Variants in PKP4 observed in about 807,000 individuals in gnomAD.
PKP4 encodes plakophilin 4, also known as plakophilin-4.
PKP4 carries 90 observed loss-of-function variants against 145.1 expected under a neutral mutation model. The ratio of observed to expected loss-of-function variants is 0.62; its 90% CI spans 0.52 to 0.74. The LOEUF (loss-of-function observed/expected upper bound fraction) is 0.74. Ranked by LOEUF, PKP4 falls within the 30% of genes least tolerant of loss-of-function variation. PKP4 has a pLI of 0.00. For missense variants in PKP4, 1,340 were observed against 1,482.7 expected, an observed-to-expected ratio of 0.90 and a Z score of 1.58; for synonymous variants, 563 against 577.2, an observed-to-expected ratio of 0.98 and a Z score of 0.35.
At chr2:158,498,378 G>A (rs1196684630) in intron 1 of PKP4, among the ~76,000 whole-genome samples, 2 of 152,126 alleles carry the variant, frequency 1.3e-5, no homozygotes, top group Non-Finnish European at 2.9e-5. Context: ...CAGATAAAAA[G>A]CATTTTATAG....
intron 4 of PKP4, among the ~76,000 whole-genome samples, chr2:158,609,645 G>A (rs768839289): frequency 6.6e-6 from 1 of 152,186 alleles, no homozygotes; most frequent in Non-Finnish European, 1.5e-5. Flanking sequence ...GCTTACTCAG[G>A]TGTTTTCAGG....
At chr2:158,570,093 A>G (rs1052962153) in intron 2 of PKP4, among the ~76,000 whole-genome samples, 1 of 152,220 alleles carries the variant, frequency 6.6e-6, no homozygotes, top group African/African-American at 2.4e-5. Flanking sequence ...AGTAGACATA[A>G]TAATGGTTTA....
intron 3 of PKP4, among the ~76,000 whole-genome samples, chr2:158,585,146 CAGAAGCATTTGGT>C (rs2048696736): frequency 6.6e-6 from 1 of 152,120 alleles, no homozygotes; most frequent in Non-Finnish European, 1.5e-5. Context: ...TTATCCTGTT[CAGAAGCATTTGGT>C]CCCTTCACAT....
chr2:158,508,614 T>C (rs115751340), intron 1 of PKP4, among the ~76,000 whole-genome samples: 36 of 152,306 alleles, frequency 2.4e-4, no homozygotes, highest in Middle Eastern at 3.4e-3. Flanking sequence ...ACTTTCTTTT[T>C]CTACTCCATC....
At chr2:158,588,754 G>T (rs542727671) in intron 3 of PKP4, 1 of 152,210 alleles carries the variant, frequency 6.6e-6, no homozygotes, top group Admixed American at 6.5e-5. Context: ...GGTAGGTGAA[G>T]GCCCAACTAA....
intron 6 of PKP4, 55 bp downstream of exon 6, chr2:158,621,476 T>C: frequency 7.0e-7 from 1 of 1,435,596 alleles, no homozygotes; most frequent in Non-Finnish European, 9.7e-7. Flanking sequence ...CCGGGCACAG[T>C]GGCTCATGCC....
At chr2:158,563,824 G>A (rs901576036) in intron 2 of PKP4, among the ~76,000 whole-genome samples, 7 of 151,962 alleles carry the variant, frequency 4.6e-5, no homozygotes, top group Non-Finnish European at 8.8e-5. Flanking sequence ...CGAATCTGAT[G>A]TGTTGTTTCC....
At chr2:158,522,049 A>T (rs1429404435) in intron 1 of PKP4, among the ~76,000 whole-genome samples, 2 of 152,200 alleles carry the variant, frequency 1.3e-5, no homozygotes. Flanking sequence ...CTGAGTGTTC[A>T]TAATGACAAC....
intron 3 of PKP4, among the ~76,000 whole-genome samples, chr2:158,579,847 A>ATATATATATAGCTATATATATATTGC (rs2048180617): frequency 2.0e-5 from 3 of 151,744 alleles, no homozygotes; most frequent in African/African-American, 7.3e-5. Context: ...AATTTAAAAT[A>ATATATATATAGCTATATATATATTGC]TATATATATA....
chr2:158,679,224 G>A (rs1442295200), intron 21 of PKP4: 1 of 156,960 alleles, frequency 6.4e-6, no homozygotes, highest in African/African-American at 2.4e-5. Flanking sequence ...TGAAGGGCCT[G>A]CAGTCAGTCT....
chr2:158,626,902 T>A (rs2052851322), intron 7 of PKP4, among the ~76,000 whole-genome samples: 1 of 152,202 alleles, frequency 6.6e-6, no homozygotes, highest in African/African-American at 2.4e-5. Flanking sequence ...TCTCAAGTAT[T>A]TTTTCCATTT....
At chr2:158,477,867 C>A (rs900092249) in intron 1 of PKP4, among the ~76,000 whole-genome samples, 2 of 152,100 alleles carry the variant, frequency 1.3e-5, no homozygotes, top group African/African-American at 4.8e-5. Flanking sequence ...TCAAAAAAAA[C>A]CAAAAGTCCA....
At position 158,519,913 on chromosome 2, in the gene PKP4, A is replaced by T. The variant is rs547377969; in HGVS notation, c.-5-13267A>T. Among the ~76,000 whole-genome samples, 11 of 152,164 alleles carry T rather than the reference A, an allele frequency of 7.2e-5. No individual in the cohort carries two copies. In the South Asian group the frequency reaches 2.1e-3, roughly 29 times the overall value. On this transcript the variant is annotated intron_variant, in intron 1 of 21. Coordinates refer to ENST00000389759, the MANE Select transcript of PKP4 (RefSeq NM_003628.6). The stretch of plus-strand genomic sequence containing the variant: ...CCTTAACATTCCAGGTATAACTCTG[A>T]ATTTGTCATGATTTTCATTTCGTCT...
chr2:158,497,376 G>C (rs900953035), intron 1 of PKP4, among the ~76,000 whole-genome samples: 2 of 152,192 alleles, frequency 1.3e-5, no homozygotes. Flanking sequence ...TATCTTCAAG[G>C]TACCTTCCCT....
rs75690507 is a variant in PKP4, at chr2:158,649,905, T to C, written c.1909+7206T>C. Among the ~76,000 whole-genome samples, 168 of 152,340 alleles carry C rather than the reference T, an allele frequency of 1.1e-3. 1 individual carries two copies. Among genetic ancestry groups the C allele is most frequent in the African/African-American group, 3.4e-3 (140 of 41,580 alleles). On this transcript the variant is annotated intron_variant, in intron 11 of 21. Coordinates refer to ENST00000389759, the MANE Select transcript of PKP4 (RefSeq NM_003628.6). ...TATAGCTTGCAGCTGGAGGCACCTTTGTCTCTAAGCTTCTGCCAGCACCAG... is the reference window on the plus strand; with the variant it reads ...TATAGCTTGCAGCTGGAGGCACCTTCGTCTCTAAGCTTCTGCCAGCACCAG...
intron 1 of PKP4, among the ~76,000 whole-genome samples, chr2:158,485,475 T>A (rs1694033746): frequency 6.6e-6 from 1 of 152,224 alleles, no homozygotes; most frequent in African/African-American, 2.4e-5. Context: ...CCACTGTTCA[T>A]AATTTCATAT....
intron 2 of PKP4, among the ~76,000 whole-genome samples, chr2:158,562,653 A>G (rs1317041470): frequency 6.6e-6 from 1 of 152,234 alleles, no homozygotes; most frequent in African/African-American, 2.4e-5. Context: ...CACAGTAAAA[A>G]TATATACATA....
intron 9 of PKP4, among the ~76,000 whole-genome samples, chr2:158,638,430 T>C (rs2053995629): frequency 6.6e-6 from 1 of 152,162 alleles, no homozygotes; most frequent in African/African-American, 2.4e-5. Context: ...CACACAGAAA[T>C]GGAAGGACCC....
intron 17 of PKP4, among the ~76,000 whole-genome samples, chr2:158,670,580 G>A (rs2057468812): frequency 1.3e-5 from 2 of 152,206 alleles, no homozygotes; most frequent in African/African-American, 4.8e-5. Flanking sequence ...ATGCCAGGAT[G>A]AGAAAAATCT....
Sources: allele counts gnomAD v4.1 joint callset (sites outside exome capture counted in the v4.1 genomes callset), GRCh38; gene constraint gnomAD v4.1.1; transcripts MANE v1.5; gene names NCBI Gene and HGNC (gene_info 2026-07-23, HGNC 2026-07-21).